UNC79: variants seen among roughly 807,000 people sequenced by gnomAD.
UNC79 encodes unc-79 subunit of NALCN channel complex.
In UNC79, 37 loss-of-function variants were observed where a neutral mutation model predicts 283.1. The ratio of observed to expected loss-of-function variants is 0.13; its 90% confidence interval spans 0.10 to 0.17. UNC79 has a LOEUF of 0.17. Ranked by LOEUF, UNC79 falls within the 10% of genes least tolerant of loss-of-function variation. The pLI, the probability that UNC79 is intolerant of heterozygous loss-of-function variation, is 1.00. For missense variants in UNC79, 2,272 were observed against 3,211.1 expected, an observed-to-expected ratio of 0.71 and a Z score of 7.07; for synonymous variants, 1,107 against 1,200.2, an observed-to-expected ratio of 0.92 and a Z score of 1.61.
chr14:93,562,721 C>T (rs1175375301), intron 14 of UNC79, among the ~76,000 whole-genome samples: 5 of 152,088 alleles, frequency 3.3e-5, no homozygotes, highest in Non-Finnish European at 5.9e-5. Context: ...AAGGCCAAAC[C>T]GAGGAATTAT....
chr14:93,426,498 T>C (rs957754272), upstream of UNC79, among the ~76,000 whole-genome samples: 1 of 151,392 alleles, frequency 6.6e-6, no homozygotes. Context: ...TATAATTATA[T>C]GTTATAACTT....
chr14:93,479,960 C>CT (rs2058040508), intron 4 of UNC79, among the ~76,000 whole-genome samples: 1 of 152,198 alleles, frequency 6.6e-6, no homozygotes, highest in Non-Finnish European at 1.5e-5. Context: ...ATCTAATTCA[C>CT]TAAATCCCTC....
At chr14:93,514,962 A>T (rs935816486) in intron 7 of UNC79, among the ~76,000 whole-genome samples, 1 of 152,150 alleles carries the variant, frequency 6.6e-6, no homozygotes, top group Admixed American at 6.6e-5. Flanking sequence ...CTTCTGACAC[A>T]TTCTCATCCC....
chr14:93,374,588 G>T (rs1189948829), intron 1 of UNC79, among the ~76,000 whole-genome samples: 1 of 152,184 alleles, frequency 6.6e-6, no homozygotes, highest in South Asian at 2.1e-4. Flanking sequence ...ACTTAGGAAG[G>T]CGTACAATGG....
intron 1 of UNC79, among the ~76,000 whole-genome samples, chr14:93,424,841 C>G (rs1289886992): frequency 2.0e-5 from 3 of 151,848 alleles, no homozygotes; most frequent in Admixed American, 6.6e-5. Flanking sequence ...TTTAATTGCA[C>G]ATTTAAAAAT....
chr14:93,652,493 C>T (rs922671031), intron 35 of UNC79, among the ~76,000 whole-genome samples: 1 of 152,192 alleles, frequency 6.6e-6, no homozygotes, highest in Non-Finnish European at 1.5e-5. Context: ...CTCTTAGGCT[C>T]ATGCAGTCTT....
chr14:93,686,734 T>C, intron 43 of UNC79, 73 bp downstream of exon 46: 2 of 1,554,774 alleles, frequency 1.3e-6, no homozygotes, highest in Non-Finnish European at 1.8e-6. Flanking sequence ...AAGCAGACCA[T>C]AGGGAACTTA....
At chr14:93,550,027 G>A (rs897874770) in intron 14 of UNC79, among the ~76,000 whole-genome samples, 35 of 152,274 alleles carry the variant, frequency 2.3e-4, no homozygotes, top group African/African-American at 8.2e-4. Context: ...GCAAAAAGCT[G>A]GAAATGGCCA....
At chr14:93,556,222 A>T (rs1440867740) in intron 14 of UNC79, among the ~76,000 whole-genome samples, 2 of 152,162 alleles carry the variant, frequency 1.3e-5, no homozygotes, top group Non-Finnish European at 2.9e-5. Flanking sequence ...TAATCAGCCC[A>T]TCCCCCATTT....
At chr14:93,656,701 A>G (rs2182566) in intron 38 of UNC79, among the ~76,000 whole-genome samples, 109,176 of 151,900 alleles carry the variant, frequency 0.72, 39,972 homozygotes, top group African/African-American at 0.8. Flanking sequence ...AGCCAGGCGT[A>G]ATGGCATGTA....
intron 12 of UNC79, 52 bp from the exon 13 acceptor site, chr14:93,540,608 C>A: frequency 6.3e-7 from 1 of 1,585,460 alleles, no homozygotes; most frequent in South Asian, 1.1e-5. Context: ...GGGTCATGAT[C>A]TAGAATGTGT....
chr14:93,689,042 C>G, intron 44 of UNC79: 1 of 523,080 alleles, frequency 1.9e-6, no homozygotes, highest in Non-Finnish European at 3.1e-6. Context: ...AAAAAATAAA[C>G]CTGTCCTCCC....
chr14:93,415,376 A>T (rs1440153718), intron 1 of UNC79, among the ~76,000 whole-genome samples: 2 of 152,130 alleles, frequency 1.3e-5, no homozygotes, highest in Non-Finnish European at 2.9e-5. Flanking sequence ...AGCCCACTTG[A>T]TCATGGTGGA....
At chr14:93,695,308 CTCT>C (rs1343393774) in intron 47 of UNC79, among the ~76,000 whole-genome samples, 1 of 152,218 alleles carries the variant, frequency 6.6e-6, no homozygotes, top group Non-Finnish European at 1.5e-5. Flanking sequence ...GTTAACTCCA[CTCT>C]TCAACAAAGA....
chr14:93,390,237 G>C (rs2054857883), intron 1 of UNC79, among the ~76,000 whole-genome samples: 2 of 152,164 alleles, frequency 1.3e-5, no homozygotes, highest in Non-Finnish European at 2.9e-5. Context: ...CATCTCAATA[G>C]ATGTGGCAAA....
rs546522557 is a variant in UNC79, at chr14:93,517,233, C to T, written c.899-6745C>T. On this transcript the variant is annotated intron_variant, in intron 7 of 48. Coordinates refer to ENST00000555664, the Ensembl canonical transcript of UNC79. ...TCTCCATCCCTCCCTTCCTTCTTTC[C>T]TTCCTTCCTTTCTCTTTCTTTTTCT... 5.3e-4 allele frequency among the ~76,000 whole-genome samples: 78 copies of T among 147,074 alleles called. 1 individual carries two copies. In the South Asian group the frequency reaches 6.3e-3, roughly 12 times the overall value.
At chr14:93,650,584 G>T (rs758773839) in intron 35 of UNC79, among the ~76,000 whole-genome samples, 1 of 152,044 alleles carries the variant, frequency 6.6e-6, no homozygotes, top group Non-Finnish European at 1.5e-5. Flanking sequence ...GACCCATTGC[G>T]TATATTCTTT....
chr14:93,528,498 A>G, intron 8 of UNC79, 60 bp from the exon 9 acceptor site: 1 of 1,490,902 alleles, frequency 6.7e-7, no homozygotes, highest in East Asian at 2.3e-5. Flanking sequence ...TGTGCTTAGA[A>G]TATAGGGAAT....
At chr14:93,586,156 C>T (rs943687598) in intron 20 of UNC79, among the ~76,000 whole-genome samples, 5 of 152,194 alleles carry the variant, frequency 3.3e-5, no homozygotes, top group East Asian at 1.9e-4. Flanking sequence ...GCTGGGATTA[C>T]AGGCATGAGC....
Sources: allele counts gnomAD v4.1 joint callset (sites outside exome capture counted in the v4.1 genomes callset), GRCh38; gene constraint gnomAD v4.1.1; transcripts MANE v1.5; gene names NCBI Gene and HGNC (gene_info 2026-07-23, HGNC 2026-07-21).